Variants in ZSCAN5A observed in about 807,000 individuals in gnomAD.
The protein encoded by ZSCAN5A is zinc finger and SCAN domain containing 5A.
Under a neutral mutation model 23.7 loss-of-function variants are expected in ZSCAN5A, and 12 were observed. The ratio of observed to expected loss-of-function variants is 0.51; its 90% CI spans 0.32 to 0.82. ZSCAN5A has a LOEUF of 0.82. Ranked by LOEUF, ZSCAN5A falls within the 40% of genes least tolerant of loss-of-function variation. The pLI, the probability that ZSCAN5A is intolerant of heterozygous loss-of-function variation, is 0.03. For synonymous variants in ZSCAN5A, 257 were observed against 239.9 expected, an observed-to-expected ratio of 1.07 and a Z score of -0.66; for missense variants, 597 against 617.9, an observed-to-expected ratio of 0.97 and a Z score of 0.36.
chr19:56,225,504 A>G (rs2033835590), intron 2 of ZSCAN5A: 1 of 154,950 alleles, frequency 6.5e-6, no homozygotes, highest in Non-Finnish European at 1.4e-5. Context: ...TTTCCCCATC[A>G]GGACAAGATC....
Position 56,302,846 on chromosome 19 carries a change from G to A in ZSCAN5A, c.-128+10437C>T, listed in dbSNP as rs183048610. The A allele has an allele frequency of 2.7e-3, 1,088 of 398,660 alleles. 3 individuals are homozygous for A. Among genetic ancestry groups the A allele is most frequent in the Non-Finnish European group, 3.8e-3 (852 of 226,178 alleles). The allele number at this position is 398,660 out of a possible 1,614,324, so 24.7% of individuals were successfully genotyped here. A position where few individuals can be genotyped will look rare whatever the true frequency, so the allele number is the denominator to read the frequency against. ...CTGTCTCTTGTTCTTTCTAAGGGAC[G>A]TTCATAAGGACCAAGCCTGTTGCTG... On this transcript the variant is annotated intron_variant, in intron 2 of 5. Transcript: ENST00000683990.
At chr19:56,350,614 A>G (rs1204332197) in intron 2 of ZSCAN5A, among the ~76,000 whole-genome samples, 1 of 152,148 alleles carries the variant, frequency 6.6e-6, no homozygotes, top group Non-Finnish European at 1.5e-5. Flanking sequence ...AGTTACCGCT[A>G]TATTAACGTT....
At chr19:56,258,881 A>G (rs2036921668) in intron 2 of ZSCAN5A, among the ~76,000 whole-genome samples, 1 of 152,152 alleles carries the variant, frequency 6.6e-6, no homozygotes, top group African/African-American at 2.4e-5. Context: ...CGAAGGCCTC[A>G]GTTCCCCTCA....
At chr19:56,354,799 G>T (rs945738785) in intron 2 of ZSCAN5A, among the ~76,000 whole-genome samples, 1 of 152,268 alleles carries the variant, frequency 6.6e-6, no homozygotes, top group Middle Eastern at 3.4e-3. Context: ...GAATGTCAGC[G>T]TGGACCACTT....
At chr19:56,251,705 A>G (rs1166156843) in intron 2 of ZSCAN5A, among the ~76,000 whole-genome samples, 2 of 152,152 alleles carry the variant, frequency 1.3e-5, no homozygotes, top group Non-Finnish European at 1.5e-5. Flanking sequence ...AGTCCAAGTT[A>G]TCCTGCCCGC....
At chr19:56,353,411 T>G (rs539344300) in intron 2 of ZSCAN5A, among the ~76,000 whole-genome samples, 1 of 152,236 alleles carries the variant, frequency 6.6e-6, no homozygotes, top group Non-Finnish European at 1.5e-5. Flanking sequence ...CTTATTTCAC[T>G]TAACATAATT....
intron 2 of ZSCAN5A, among the ~76,000 whole-genome samples, chr19:56,226,280 A>G (rs575503231): frequency 2.9e-4 from 44 of 152,290 alleles, no homozygotes; most frequent in Admixed American, 2.0e-3. Context: ...CAATCGGCAG[A>G]GGCGGGAGAC....
At chr19:56,284,694 T>C (rs1382868204) in intron 2 of ZSCAN5A, among the ~76,000 whole-genome samples, 1 of 151,952 alleles carries the variant, frequency 6.6e-6, no homozygotes, top group African/African-American at 2.4e-5. Flanking sequence ...TTTGTATTTT[T>C]AGTAGAAATG....
Position 56,228,379 on chromosome 19 carries a change from C to T in ZSCAN5A, c.-127-3206G>A. ...CGCGTTTCCGGTTCCCTGCGCCGCC[C>T]CGTGATTGGTTTAGGGCCATAGAGT... On this transcript the variant is annotated intron_variant, in intron 2 of 5. Coordinates refer to ENST00000683990, the MANE Select transcript of ZSCAN5A (RefSeq NM_001322064.3). The T allele has an allele frequency of 3.1e-6, 3 of 981,854 alleles. No individual in the cohort carries two copies. The South Asian group carries it at 1.4e-4, about 46-fold the overall frequency. 60.8% of individuals were successfully genotyped at this position (981,854 alleles called of 1,614,324 possible).
chr19:56,276,534 T>TATTA (rs149264430), intron 2 of ZSCAN5A, among the ~76,000 whole-genome samples: 1 of 141,264 alleles, frequency 7.1e-6, no homozygotes, highest in East Asian at 2.0e-4. Flanking sequence ...TGAGGGTTAT[T>TATTA]TTTATTTATT....
intron 2 of ZSCAN5A, among the ~76,000 whole-genome samples, chr19:56,258,817 C>T (rs531732125): frequency 1.3e-5 from 2 of 152,136 alleles, no homozygotes; most frequent in African/African-American, 2.4e-5. Flanking sequence ...AGGGACATTG[C>T]GTGACTCCTG....
intron 2 of ZSCAN5A, among the ~76,000 whole-genome samples, chr19:56,237,007 G>A (rs186321066): frequency 5.2e-4 from 79 of 152,320 alleles, no homozygotes; most frequent in African/African-American, 1.7e-3. Flanking sequence ...AGTCCTTCAC[G>A]GGGTGTAGCC....
chr19:56,235,135 G>A, intron 2 of ZSCAN5A, among the ~76,000 whole-genome samples: 1 of 86,160 alleles, frequency 1.2e-5, no homozygotes, highest in Admixed American at 1.2e-4. Flanking sequence ...CTGATGGACG[G>A]TGGGCCAAGC....
chr19:56,366,824 G>C (rs1268589396), intron 1 of ZSCAN5A, among the ~76,000 whole-genome samples: 1 of 152,192 alleles, frequency 6.6e-6, no homozygotes, highest in African/African-American at 2.4e-5. Flanking sequence ...GCAGACCATA[G>C]AACACTTCCC....
chr19:56,252,930 G>T (rs924998143), intron 2 of ZSCAN5A, among the ~76,000 whole-genome samples: 10 of 152,248 alleles, frequency 6.6e-5, no homozygotes, highest in African/African-American at 2.2e-4. Flanking sequence ...CATAACAGGA[G>T]CAAGAAGAAA....
At chr19:56,347,787 G>A (rs1186135981) in intron 2 of ZSCAN5A, 1 of 152,264 alleles carries the variant, frequency 6.6e-6, no homozygotes, top group African/African-American at 2.4e-5. Flanking sequence ...CAGCACCTTA[G>A]AGAGCCTCCT....
At chr19:56,259,701 C>T (rs576605037) in intron 2 of ZSCAN5A, among the ~76,000 whole-genome samples, 4 of 152,340 alleles carry the variant, frequency 2.6e-5, no homozygotes, top group African/African-American at 7.2e-5. Context: ...TGACCGGGCA[C>T]GGTGGCCCAC....
chr19:56,322,934 G>A (rs1486520988), intron 2 of ZSCAN5A, among the ~76,000 whole-genome samples: 118 of 130,558 alleles, frequency 9.0e-4, no homozygotes, highest in Admixed American at 1.8e-3. Context: ...TCGCTCTGTC[G>A]CCCAGGCTGG....
intron 2 of ZSCAN5A, among the ~76,000 whole-genome samples, chr19:56,290,445 G>A (rs1367080060): frequency 6.6e-6 from 1 of 152,162 alleles, no homozygotes; most frequent in Non-Finnish European, 1.5e-5. Context: ...ATTGACCTCT[G>A]AGCTAGAGCA....
Sources: allele counts gnomAD v4.1 joint callset (sites outside exome capture counted in the v4.1 genomes callset), GRCh38; gene constraint gnomAD v4.1.1; transcripts MANE v1.5; gene names NCBI Gene and HGNC (gene_info 2026-07-23, HGNC 2026-07-21).